MND1: variants seen among roughly 807,000 people sequenced by gnomAD.
MND1 encodes meiotic nuclear division protein 1 homolog.
A neutral mutation model predicts 35.1 loss-of-function variants in MND1; 28 were observed. That is an observed-to-expected ratio of 0.80 (90% confidence interval 0.59 to 1.09). MND1 has a LOEUF of 1.09. Ranked by LOEUF, MND1 falls within the 50% of genes least tolerant of loss-of-function variation. MND1 has a pLI of 0.00. For synonymous variants in MND1, 69 were observed against 70.5 expected (o/e 0.98, Z 0.11); for missense variants, 213 against 239.6 (o/e 0.89, Z 0.73).
chr4:153,397,082 A>T, intron 5 of MND1, 137 bp from the exon 6 acceptor site: 1 of 544,854 alleles, frequency 1.8e-6, no homozygotes, highest in Non-Finnish European at 3.3e-6. Context: ...CTGTGTGTGT[A>T]TACTTATATA....
At chr4:153,370,426 C>T (rs181510231) in intron 4 of MND1, among the ~76,000 whole-genome samples, 1 of 152,164 alleles carries the variant, frequency 6.6e-6, no homozygotes, top group Non-Finnish European at 1.5e-5. Context: ...CAGTCTTGAA[C>T]CCCTCAAAGT....
chr4:153,358,373 T>C, intron 3 of MND1, 101 bp from the exon 4 acceptor site: 1 of 1,008,016 alleles, frequency 9.9e-7, no homozygotes, highest in Non-Finnish European at 1.4e-6. Flanking sequence ...TTTTTAACTC[T>C]TGATTTGTGA....
chr4:153,358,918 T>C lies in MND1; in HGVS notation c.276+296T>C, dbSNP rs140709841. ...GCAGTTTTAGACTTACAGAAAAATA[T>C]TGATGGAAAAGTACAGAGAGTTCCC... On this transcript the variant is annotated intron_variant, in intron 4 of 7. Coordinates refer to ENST00000240488, the MANE Select transcript of MND1 (RefSeq NM_032117.4). Among the ~76,000 whole-genome samples, 9 of 152,326 alleles carry C rather than the reference T, an allele frequency of 5.9e-5. No homozygotes were observed. In the East Asian group the frequency reaches 1.5e-3, roughly 26 times the overall value.
At chr4:153,414,141 G>A (rs1451114564) in intron 7 of MND1, among the ~76,000 whole-genome samples, 1 of 152,022 alleles carries the variant, frequency 6.6e-6, no homozygotes, top group Non-Finnish European at 1.5e-5. Flanking sequence ...CAACAGTCCT[G>A]GCCTCTGCTG....
intron 4 of MND1, among the ~76,000 whole-genome samples, chr4:153,363,999 C>G (rs553200349): frequency 6.6e-6 from 1 of 152,038 alleles, no homozygotes; most frequent in Non-Finnish European, 1.5e-5. Flanking sequence ...TTTGGGAGGT[C>G]GAAGTGGGAG....
chr4:153,352,761 A>C lies in MND1; in HGVS notation c.69+2632A>C, dbSNP rs1042509204. On this transcript the variant is annotated intron_variant, in intron 2 of 7. Transcript: ENST00000240488. ...GACCCTATCTTAAAAAAAAAAAAAA[A>C]AAAAAAACACAACGATATTATCTAG... Among the ~76,000 whole-genome samples, 11 of 151,710 alleles carry C rather than the reference A, an allele frequency of 7.3e-5. No individual in the cohort carries two copies. In the South Asian group the frequency reaches 1.2e-3, roughly 17 times the overall value.
intron 4 of MND1, among the ~76,000 whole-genome samples, chr4:153,363,676 T>C (rs186146652): frequency 2.5e-4 from 38 of 152,168 alleles, no homozygotes; most frequent in African/African-American, 7.5e-4. Flanking sequence ...GGTGAAGAGA[T>C]AGGTAGAGGC....
chr4:153,390,146 G>T (rs896558643), intron 4 of MND1, among the ~76,000 whole-genome samples: 1 of 152,104 alleles, frequency 6.6e-6, no homozygotes, highest in Non-Finnish European at 1.5e-5. Flanking sequence ...TTATTTCCAA[G>T]GTGTAGGTTA....
intron 4 of MND1, among the ~76,000 whole-genome samples, chr4:153,369,966 C>G (rs1431077558): frequency 6.6e-6 from 1 of 152,014 alleles, no homozygotes; most frequent in Non-Finnish European, 1.5e-5. Flanking sequence ...CAAGAAACCA[C>G]TTTCTTTGCT....
intron 5 of MND1, among the ~76,000 whole-genome samples, chr4:153,395,274 TTTTG>T (rs1382292679): frequency 6.6e-6 from 1 of 152,212 alleles, no homozygotes; most frequent in African/African-American, 2.4e-5. Context: ...TATTTGTTCC[TTTTG>T]TTTGTTTTTT....
At chr4:153,350,219 C>A in intron 2 of MND1, 90 bp downstream of exon 2, 1 of 852,688 alleles carries the variant, frequency 1.2e-6, no homozygotes. Context: ...CTTTGTTAAA[C>A]ATCAATACTG....
intron 4 of MND1, among the ~76,000 whole-genome samples, chr4:153,376,079 G>T (rs139106485): frequency 6.6e-6 from 1 of 152,154 alleles, no homozygotes; most frequent in South Asian, 2.1e-4. Flanking sequence ...AGCTATTTTG[G>T]CTCGACAGAT....
rs192211885 is a variant in MND1, at chr4:153,377,874, T to G, written c.277-16388T>G. ...TGGACCAATTATAGTTGTATGTGCCTTGTTCTTTTTGCTTGGAAGTTTTTT... is the reference window on the plus strand; with the variant it reads ...TGGACCAATTATAGTTGTATGTGCCGTGTTCTTTTTGCTTGGAAGTTTTTT... On this transcript the variant is annotated intron_variant, in intron 4 of 7. Coordinates refer to ENST00000240488, the MANE Select transcript of MND1 (RefSeq NM_032117.4). Among the ~76,000 whole-genome samples, 14 of 152,296 alleles carry G rather than the reference T, an allele frequency of 9.2e-5. No individual in the cohort carries two copies. The East Asian group carries it at 2.7e-3, about 29-fold the overall frequency.
At chr4:153,376,110 A>G (rs947287381) in intron 4 of MND1, among the ~76,000 whole-genome samples, 1 of 152,200 alleles carries the variant, frequency 6.6e-6, no homozygotes, top group African/African-American at 2.4e-5. Context: ...AAGATTAATT[A>G]TGTTGTAGAA....
chr4:153,385,839 G>T lies in MND1; in HGVS notation c.277-8423G>T, dbSNP rs1337701878. Among the ~76,000 whole-genome samples, 6 of 152,094 alleles carry T rather than the reference G, an allele frequency of 3.9e-5. No individual in the cohort carries two copies. The East Asian group carries it at 1.2e-3, about 29-fold the overall frequency. On this transcript the variant is annotated intron_variant, in intron 4 of 7. Coordinates refer to ENST00000240488, the MANE Select transcript of MND1 (RefSeq NM_032117.4). Reference sequence around the variant, plus strand: ...TTTTGTGTGATGCTCATGTCCTCAGGTTGGCTTTCTTCATGATGACAAGGT... The same window carrying T: ...TTTTGTGTGATGCTCATGTCCTCAGTTTGGCTTTCTTCATGATGACAAGGT...
At chr4:153,384,294 A>G (rs1025337456) in intron 4 of MND1, among the ~76,000 whole-genome samples, 1 of 110,432 alleles carries the variant, frequency 9.1e-6, no homozygotes, top group African/African-American at 3.6e-5. Flanking sequence ...TTAAAGAGCC[A>G]GGGCCTCACT....
intron 7 of MND1, among the ~76,000 whole-genome samples, chr4:153,414,534 C>T (rs10017942): frequency 0.19 from 28,656 of 151,972 alleles, 2,888 homozygotes; most frequent in African/African-American, 0.26. Flanking sequence ...CACCCTGCCT[C>T]GGCCTCCCAA....
intron 1 of MND1, 90 bp downstream of exon 1, chr4:153,344,830 G>C: frequency 6.5e-7 from 1 of 1,542,596 alleles, no homozygotes; most frequent in Non-Finnish European, 8.7e-7. Flanking sequence ...CCGGCCTGGC[G>C]TTGACCGCCA....
chr4:153,368,335 A>T (rs1417887453), intron 4 of MND1, among the ~76,000 whole-genome samples: 1 of 152,124 alleles, frequency 6.6e-6, no homozygotes, highest in Non-Finnish European at 1.5e-5. Context: ...TCACAAGTAA[A>T]ATATATTGCT....
Sources: gnomAD v4.1 joint callset for allele counts (sites outside exome capture counted in the v4.1 genomes callset) on GRCh38, gnomAD v4.1.1 for gene constraint, MANE v1.5 for transcripts, NCBI Gene and HGNC (gene_info 2026-07-23, HGNC 2026-07-21) for gene names.